FADS1: variants seen among roughly 807,000 people sequenced by gnomAD.
The protein encoded by FADS1 is fatty acid desaturase 1, also known as acyl-CoA (8-3)-desaturase.
In FADS1, 17 loss-of-function variants were observed where a neutral mutation model predicts 61.6. That is an observed-to-expected ratio of 0.28 (90% CI 0.19 to 0.41). The LOEUF (loss-of-function observed/expected upper bound fraction) is 0.41. Ranked by LOEUF, FADS1 falls within the 10% of genes least tolerant of loss-of-function variation. The pLI is 1.00. For missense variants in FADS1, 387 were observed against 650.9 expected, an observed-to-expected ratio of 0.59 and a Z score of 4.41; for synonymous variants, 238 against 258.7, an observed-to-expected ratio of 0.92 and a Z score of 0.77.
In FADS1 at chr11:61,816,669, C is replaced by T; in HGVS notation, c.261G>A (p.Gly87=). 1 of 1,595,844 alleles carries T rather than the reference C, an allele frequency of 6.3e-7. No homozygotes were observed. Among genetic ancestry groups the T allele is most frequent in the Non-Finnish European group, 8.5e-7 (1 of 1,171,990 alleles). The change falls in exon 1 of 12, where the codon GGG becomes GGA. Residue 87 remains glycine, a synonymous_variant. Transcript: ENST00000350997. The surrounding 1 kb of genome is among the most constrained non-coding windows in gnomAD (Gnocchi z 7.0). ...FTWDEVAQRS[G]CEERWLVIDR... ...CGATCACTAGCCACCGCTCCTCGCA[C>T]CCTGAGCGCTGGGCCACCTCGTCCC...
rs746929508 is a variant in FADS1, at chr11:61,811,111, C to A, written c.685-36G>T. On this transcript the variant is annotated intron_variant, in intron 3 of 11. Coordinates refer to ENST00000350997, the MANE Select transcript of FADS1 (RefSeq NM_013402.7). ...AGAGTCAACACTGAGAGCAGCCCACCAGCCCCAGTGTCGCCTTCACTGACC... is the reference window on the plus strand; with the variant it reads ...AGAGTCAACACTGAGAGCAGCCCACAAGCCCCAGTGTCGCCTTCACTGACC... 2.0e-5 allele frequency: 30 copies of A among 1,531,942 alleles called. No homozygotes were observed. The South Asian group carries it at 3.1e-4, about 16-fold the overall frequency. The allele number at this position is 1,531,942 out of a possible 1,614,324, so 94.9% of individuals were successfully genotyped here. A position where few individuals can be genotyped will look rare whatever the true frequency, so the allele number is the denominator to read the frequency against.
Position 61,815,841 on chromosome 11 carries a change from C to T in FADS1, c.375+714G>A. The T allele has an allele frequency of 5.6e-6, 1 of 178,796 alleles. No homozygotes were observed. Among genetic ancestry groups the T allele is most frequent in the African/African-American group, 2.4e-5 (1 of 42,310 alleles). The allele number at this position is 178,796 out of a possible 1,614,324, so 11.1% of individuals were successfully genotyped here. On this transcript the variant is annotated intron_variant, in intron 1 of 11. Coordinates refer to ENST00000350997, the MANE Select transcript of FADS1 (RefSeq NM_013402.7). The surrounding 1 kb of genome is among the most constrained non-coding windows in gnomAD (Gnocchi z 6.4). ...GCGGAATAGCTGAAGACCTCGCTGG[C>T]CTGCGGCTCAGTGGCCTCCCCGGCG...
chr11:61,806,301 C>T lies in FADS1; in HGVS notation c.976+363G>A, dbSNP rs185270832. 711 of 184,626 alleles carry T rather than the reference C, an allele frequency of 3.9e-3. 6 individuals are homozygous for T. Among genetic ancestry groups the T allele is most frequent in the Middle Eastern group, 5.2e-3 (2 of 386 alleles). 11.4% of individuals were successfully genotyped at this position (184,626 alleles called of 1,614,324 possible). A position where few individuals can be genotyped will look rare whatever the true frequency, so the allele number is the denominator to read the frequency against. ...AGCTTGCAGTGAGCCGAGATTGCGC[C>T]ACTGCAGTCCGCAGTCCGGCCTGGG... On this transcript the variant is annotated intron_variant, in intron 6 of 11. Transcript: ENST00000350997.
rs114276343 is a variant in FADS1 at position 61,810,315 on chromosome 11, G to A, written c.915+436C>T. Among the ~76,000 whole-genome samples, 351 of 152,326 alleles carry A rather than the reference G, an allele frequency of 2.3e-3. 2 individuals are homozygous for A. The highest frequency in any genetic ancestry group is 7.9e-3 in the African/African-American group (328 of 41,566). ...TTGGACATGAAAGAAGAGTAAGACA[G>A]TCCAGCCCTGGACAGAGAAGACTGT... On this transcript the variant is annotated intron_variant, in intron 5 of 11. Transcript: ENST00000350997.
At chr11:61,813,422 A>T in intron 1 of FADS1, 69 bp from the exon 2 acceptor site, 1 of 879,270 alleles carries the variant, frequency 1.1e-6, no homozygotes. Flanking sequence ...GTTCGCACCA[A>T]AGGCCATCCT....
At position 61,803,251 on chromosome 11, in the gene FADS1, C is replaced by T. The variant is rs2066869868; in HGVS notation, c.1248+112G>A. The T allele has an allele frequency of 2.4e-6, 3 of 1,243,354 alleles. No individual in the cohort carries two copies. The highest frequency in any genetic ancestry group is 2.3e-5 in the East Asian group (1 of 43,036). The allele number at this position is 1,243,354 out of a possible 1,614,324, so 77.0% of individuals were successfully genotyped here. ...TCACATGGTTGCAGAACAAGAGCCT[C>T]AGGCTAATGAGAAAATGCTGTTTGG... is the stretch of plus-strand genomic sequence containing the variant. On this transcript the variant is annotated intron_variant, in intron 9 of 11. Transcript: ENST00000350997. The surrounding 1 kb of genome is among the most constrained non-coding windows in gnomAD (Gnocchi z 4.3).
At position 61,803,630 on chromosome 11, in the gene FADS1, T is replaced by G; in HGVS notation, c.1151+40A>C. 6.5e-7 allele frequency: 1 copy of G among 1,539,462 alleles called. No individual in the cohort carries two copies. Among genetic ancestry groups the G allele is most frequent in the Non-Finnish European group, 9.0e-7 (1 of 1,112,052 alleles). On this transcript the variant is annotated intron_variant, in intron 8 of 11. Transcript: ENST00000350997. The surrounding 1 kb of genome is among the most constrained non-coding windows in gnomAD (Gnocchi z 4.3). ...AGACCAGACTGGTCACTCCCCAACATTTCCTTCACCAGTCCCTATCCGCCC... is the reference window on the plus strand; with the variant it reads ...AGACCAGACTGGTCACTCCCCAACAGTTCCTTCACCAGTCCCTATCCGCCC...
rs539555348 is a variant in FADS1, at chr11:61,816,336, C to T, written c.375+219G>A. ...TTGTTTGTGTGTGCGTGTTGTTGGC[C>T]TCCATCCCCACTCCCCAGACTCCAC... On this transcript the variant is annotated intron_variant, in intron 1 of 11. Transcript: ENST00000350997. The surrounding 1 kb of genome is among the most constrained non-coding windows in gnomAD (Gnocchi z 7.0). 56 of 1,598,408 alleles carry T rather than the reference C, an allele frequency of 3.5e-5. No individual in the cohort carries two copies. In the African/African-American group the frequency reaches 5.9e-4, roughly 17 times the overall value.
Position 61,816,271 on chromosome 11 carries a change from G to A in FADS1, c.375+284C>T, listed in dbSNP as rs772868674. On this transcript the variant is annotated intron_variant, in intron 1 of 11. Coordinates refer to ENST00000350997, the MANE Select transcript of FADS1 (RefSeq NM_013402.7). This position sits in a 1 kb window ranked among gnomAD's most constrained non-coding sequence, Gnocchi z 7.0. ...GTCCCCGCCCAGAGACCTGAGGCTCGGGGCTGCAGATGGAATGCACGGCAG... is the reference window on the plus strand; with the variant it reads ...GTCCCCGCCCAGAGACCTGAGGCTCAGGGCTGCAGATGGAATGCACGGCAG... 5.6e-6 allele frequency: 9 copies of A among 1,598,046 alleles called. No homozygotes were observed. The African/African-American group carries it at 1.2e-4, about 21-fold the overall frequency.
At chr11:61,813,724 G>A (rs1354368241) in intron 1 of FADS1, among the ~76,000 whole-genome samples, 1 of 152,156 alleles carries the variant, frequency 6.6e-6, no homozygotes, top group Non-Finnish European at 1.5e-5. Context: ...CCAGCACTTT[G>A]GGAGGCCAAG....
chr11:61,812,814 A>G, intron 2 of FADS1, 146 bp from the exon 3 acceptor site: 1 of 690,124 alleles, frequency 1.4e-6, no homozygotes, highest in Non-Finnish European at 2.5e-6. Flanking sequence ...GACAATGAGG[A>G]TGACAGGAGG....
Position 61,813,439 on chromosome 11 carries a change from C to A in FADS1, c.376-86G>T. 4.0e-6 allele frequency: 3 copies of A among 756,300 alleles called. No individual in the cohort carries two copies. In the East Asian group the frequency reaches 7.7e-5, roughly 19 times the overall value. 46.8% of individuals were successfully genotyped at this position (756,300 alleles called of 1,614,324 possible). ...TCGCACCAAAGGCCATCCTCCTGCC[C>A]GCCAGAAGGCTGTACCCAAGTTGAA... On this transcript the variant is annotated intron_variant, in intron 1 of 11. Transcript: ENST00000350997.
intron 5 of FADS1, among the ~76,000 whole-genome samples, chr11:61,809,945 G>T (rs1387047609): frequency 1.3e-5 from 2 of 152,144 alleles, no homozygotes; most frequent in East Asian, 3.8e-4. Flanking sequence ...TTGAACTCAT[G>T]CCTAGAACTG....
chr11:61,809,684 C>G (rs950426382), intron 5 of FADS1, among the ~76,000 whole-genome samples: 1 of 152,202 alleles, frequency 6.6e-6, no homozygotes, highest in Admixed American at 6.5e-5. Flanking sequence ...CAGCAAATAA[C>G]CACACTGCCC....
At position 61,802,392 on chromosome 11, in the gene FADS1, C is replaced by G. The variant is rs1177705708; in HGVS notation, c.*19G>C. ...AGAGTCTTCCTCCTCTTCTTCCAGA[C>G]TGGGCAGGGTGGCTGTTGTTATTGG... On this transcript the variant is annotated 3_prime_UTR_variant, in exon 12 of 12. Transcript: ENST00000350997. The surrounding 1 kb of genome is among the most constrained non-coding windows in gnomAD (Gnocchi z 4.2). 6.4e-7 allele frequency: 1 copy of G among 1,562,424 alleles called. No homozygotes were observed. Among genetic ancestry groups the G allele is most frequent in the African/African-American group, 1.4e-5 (1 of 73,716 alleles).
chr11:61,806,423 G>C (rs1447912897), intron 6 of FADS1: 2 of 537,314 alleles, frequency 3.7e-6, no homozygotes, highest in Admixed American at 6.2e-5. Flanking sequence ...CAGCTTCCCA[G>C]TGGAAACTGG....
Position 61,816,095 on chromosome 11 carries a change from A to C in FADS1, c.375+460T>G, listed in dbSNP as rs549423301. 1 of 620,876 alleles carries C rather than the reference A, an allele frequency of 1.6e-6. No homozygotes were observed. Among genetic ancestry groups the C allele is most frequent in the Admixed American group, 3.0e-5 (1 of 33,204 alleles). 38.5% of individuals were successfully genotyped at this position (620,876 alleles called of 1,614,324 possible). A position where few individuals can be genotyped will look rare whatever the true frequency, so the allele number is the denominator to read the frequency against. ...CCTCTCCGCTCCTGCTGGCGAGTGG[A>C]GACCGGCACCTAGGTCCAGACGCGG... On this transcript the variant is annotated intron_variant, in intron 1 of 11. Coordinates refer to ENST00000350997, the MANE Select transcript of FADS1 (RefSeq NM_013402.7). This position sits in a 1 kb window ranked among gnomAD's most constrained non-coding sequence, Gnocchi z 7.0.
In FADS1 at chr11:61,815,132, C is replaced by A; in HGVS notation, c.375+1423G>T. ...AGATTCACGTTGGCAGGTCCGGCAGCCCCGGGCCCTGTAAGTGATGCGGCG... is the reference window on the plus strand; with the variant it reads ...AGATTCACGTTGGCAGGTCCGGCAGACCCGGGCCCTGTAAGTGATGCGGCG... On this transcript the variant is annotated intron_variant, in intron 1 of 11. Transcript: ENST00000350997. The surrounding 1 kb of genome is among the most constrained non-coding windows in gnomAD (Gnocchi z 6.4). 1 of 162,522 alleles carries A rather than the reference C, an allele frequency of 6.2e-6. No individual in the cohort carries two copies. 10.1% of individuals were successfully genotyped at this position (162,522 alleles called of 1,614,324 possible). A position where few individuals can be genotyped will look rare whatever the true frequency, so the allele number is the denominator to read the frequency against.
chr11:61,811,277 G>T (rs1387725137), intron 3 of FADS1, among the ~76,000 whole-genome samples: 1 of 151,976 alleles, frequency 6.6e-6, no homozygotes. Context: ...TCCCTTCTCT[G>T]TTCTTCTGTT....
Sources: gnomAD v4.1 joint callset for allele counts (sites outside exome capture counted in the v4.1 genomes callset) on GRCh38, gnomAD v4.1.1 for gene constraint, Gnocchi (gnomAD v3.1) non-coding constraint, MANE v1.5 for transcripts, NCBI Gene and HGNC (gene_info 2026-07-23, HGNC 2026-07-21) for gene names.